Variants in NKAIN2 observed in about 807,000 individuals in gnomAD.
The protein encoded by NKAIN2 is sodium/potassium-transporting ATPase subunit beta-1-interacting protein 2.
Under a neutral mutation model 32.6 loss-of-function variants are expected in NKAIN2, and 14 were observed. That is an observed-to-expected ratio of 0.43 (90% CI 0.28 to 0.67). The LOEUF is 0.67. Among genes scored for constraint, NKAIN2 ranks in the 30% least tolerant of loss-of-function variants. The pLI is 0.17. For synonymous variants in NKAIN2, 80 were observed against 87.2 expected (o/e 0.92, Z 0.46); for missense variants, 198 against 258.3 (o/e 0.77, Z 1.60).
At chr6:123,909,076 C>A (rs1775031491) in intron 1 of NKAIN2, among the ~76,000 whole-genome samples, 1 of 152,094 alleles carries the variant, frequency 6.6e-6, no homozygotes, top group African/African-American at 2.4e-5. Flanking sequence ...TGAATATATT[C>A]CAGTCATTTT....
chr6:124,166,353 T>C (rs954452278), intron 1 of NKAIN2, among the ~76,000 whole-genome samples: 1 of 152,196 alleles, frequency 6.6e-6, no homozygotes. Context: ...CGCCCACTTG[T>C]TGATGGGGTT....
chr6:124,552,251 A>G lies in NKAIN2; in HGVS notation c.274-105935A>G, dbSNP rs117311894. Among the ~76,000 whole-genome samples, 394 of 152,304 alleles carry G rather than the reference A, an allele frequency of 2.6e-3. 10 individuals carry two copies. The East Asian group carries it at 0.064, about 25-fold the overall frequency. ...AAACATGAGGGTAATTATTAGATTTACATGTGCCTCTCAACTAAATTCAAA... is the reference window on the plus strand; with the variant it reads ...AAACATGAGGGTAATTATTAGATTTGCATGTGCCTCTCAACTAAATTCAAA... On this transcript the variant is annotated intron_variant, in intron 3 of 6. Coordinates refer to ENST00000368417, the MANE Select transcript of NKAIN2 (RefSeq NM_001040214.3).
intron 3 of NKAIN2, among the ~76,000 whole-genome samples, chr6:124,401,797 C>G: frequency 6.6e-6 from 1 of 152,040 alleles, no homozygotes; most frequent in East Asian, 1.9e-4. Flanking sequence ...TTTATAAAAT[C>G]TGGTTTTGAA....
intron 4 of NKAIN2, among the ~76,000 whole-genome samples, chr6:124,738,507 G>A (rs1304690937): frequency 6.6e-6 from 1 of 151,764 alleles, no homozygotes; most frequent in Non-Finnish European, 1.5e-5. Context: ...AAAAACAATG[G>A]AAATTATTGC....
chr6:124,412,758 C>T (rs994337900), intron 3 of NKAIN2, among the ~76,000 whole-genome samples: 2 of 152,184 alleles, frequency 1.3e-5, no homozygotes, highest in Non-Finnish European at 1.5e-5. Flanking sequence ...TTTGTCTGTG[C>T]CCTGCCCCCA....
At chr6:124,575,181 C>T (rs1422471395) in intron 3 of NKAIN2, among the ~76,000 whole-genome samples, 1 of 152,094 alleles carries the variant, frequency 6.6e-6, no homozygotes, top group Non-Finnish European at 1.5e-5. Context: ...AGATGGTGGC[C>T]CTTAATTTAT....
In NKAIN2 at chr6:124,074,113, GA is replaced by G. The variant is rs1783583621; in HGVS notation, c.55-208890del. On this transcript the variant is annotated intron_variant, in intron 1 of 6. Transcript: ENST00000368417. ...GAGGAGACCAGGCACAAACTTTCAA[GA>G]ATCATCTCCCAGTGGAGTCACACAG... Among the ~76,000 whole-genome samples the G allele has an allele frequency of 3.9e-5, 6 of 152,260 alleles. No individual in the cohort carries two copies. The South Asian group carries it at 1.2e-3, about 32-fold the overall frequency.
intron 1 of NKAIN2, among the ~76,000 whole-genome samples, chr6:123,804,873 G>A (rs1231677676): frequency 6.6e-6 from 1 of 152,070 alleles, no homozygotes; most frequent in Non-Finnish European, 1.5e-5. Flanking sequence ...TGTCATAGAC[G>A]GAACCAGTAA....
intron 3 of NKAIN2, among the ~76,000 whole-genome samples, chr6:124,543,563 G>T (rs576649142): frequency 2.6e-5 from 4 of 152,166 alleles, no homozygotes; most frequent in African/African-American, 9.6e-5. Context: ...GTATAATAAG[G>T]TGTTAAATTA....
intron 1 of NKAIN2, among the ~76,000 whole-genome samples, chr6:123,959,412 A>G (rs1291114926): frequency 4.6e-5 from 7 of 152,182 alleles, no homozygotes; most frequent in Non-Finnish European, 1.0e-4. Context: ...ACTAGGCAAG[A>G]AAGAAGTGAG....
Position 124,143,373 on chromosome 6 carries a change from A to C in NKAIN2, c.55-139632A>C, listed in dbSNP as rs77032790. 7.8e-3 allele frequency among the ~76,000 whole-genome samples: 1,191 copies of C among 152,256 alleles called. 12 individuals carry two copies. Among genetic ancestry groups the C allele is most frequent in the African/African-American group, 0.028 (1,149 of 41,544 alleles). On this transcript the variant is annotated intron_variant, in intron 1 of 6. Transcript: ENST00000368417. ...CTACTTGGGAGGCTGAGACAGGAGG[A>C]TCATTTGAGCCCAGAGTTTGAGGCT...
intron 4 of NKAIN2, among the ~76,000 whole-genome samples, chr6:124,752,411 T>C (rs1326757325): frequency 6.6e-6 from 1 of 152,096 alleles, no homozygotes; most frequent in Non-Finnish European, 1.5e-5. Flanking sequence ...CATTATTCGC[T>C]TCTCTTCTTC....
intron 1 of NKAIN2, among the ~76,000 whole-genome samples, chr6:124,221,521 C>G (rs1791821531): frequency 6.6e-6 from 1 of 151,606 alleles, no homozygotes; most frequent in Non-Finnish European, 1.5e-5. Context: ...CTAACCTGCA[C>G]AATGTGCACA....
At chr6:123,865,879 CACAT>C (rs1775962414) in intron 1 of NKAIN2, among the ~76,000 whole-genome samples, 2 of 152,142 alleles carry the variant, frequency 1.3e-5, no homozygotes, top group South Asian at 4.1e-4. Context: ...TAATTGGAAA[CACAT>C]AAATATATAA....
chr6:124,332,763 T>C (rs1319114113), intron 2 of NKAIN2, among the ~76,000 whole-genome samples: 1 of 152,238 alleles, frequency 6.6e-6, no homozygotes, highest in Non-Finnish European at 1.5e-5. Flanking sequence ...ACATTCTGTT[T>C]GTTGCTATCA....
intron 3 of NKAIN2, among the ~76,000 whole-genome samples, chr6:124,385,565 G>T (rs1027540183): frequency 6.6e-5 from 10 of 152,236 alleles, no homozygotes; most frequent in African/African-American, 1.2e-4. Context: ...TTTTAATTCT[G>T]TATATCCACA....
At chr6:124,259,595 A>G (rs1230332604) in intron 1 of NKAIN2, among the ~76,000 whole-genome samples, 1 of 152,186 alleles carries the variant, frequency 6.6e-6, no homozygotes, top group African/African-American at 2.4e-5. Context: ...TTTCATTACT[A>G]CTAGTCTTGC....
At chr6:124,544,481 T>C (rs1424453320) in intron 3 of NKAIN2, among the ~76,000 whole-genome samples, 6 of 152,026 alleles carry the variant, frequency 3.9e-5, no homozygotes, top group African/African-American at 1.2e-4. Context: ...TGGATAAATG[T>C]GGAGCTTTTG....
chr6:124,529,323 T>C (rs1779434937), intron 3 of NKAIN2, among the ~76,000 whole-genome samples: 3 of 152,150 alleles, frequency 2.0e-5, no homozygotes, highest in Admixed American at 2.0e-4. Context: ...CTAAACAATG[T>C]CACCAAGACT....
Sources: allele counts gnomAD v4.1 joint callset (sites outside exome capture counted in the v4.1 genomes callset), GRCh38; gene constraint gnomAD v4.1.1; transcripts MANE v1.5; gene names NCBI Gene and HGNC (gene_info 2026-07-23, HGNC 2026-07-21).